Variants in NOXRED1 observed in about 807,000 individuals in gnomAD.
NOXRED1 encodes NADP-dependent oxidoreductase domain-containing protein 1.
In NOXRED1, 20 loss-of-function variants were observed where a neutral mutation model predicts 30.4. The observed-to-expected ratio is 0.66, with a 90% CI of 0.46 to 0.96. The LOEUF (loss-of-function observed/expected upper bound fraction) is 0.96, where lower values mean the gene tolerates loss of function less well. NOXRED1 is among the 40% of genes least tolerant of loss of function. NOXRED1 has a pLI of 0.00. For missense variants in NOXRED1, 374 were observed against 428.0 expected (o/e 0.87, Z 1.11); for synonymous variants, 155 against 168.0 (o/e 0.92, Z 0.60).
At chr14:77,411,283 A>G (rs1209910435) in intron 2 of NOXRED1, among the ~76,000 whole-genome samples, 2 of 152,082 alleles carry the variant, frequency 1.3e-5, no homozygotes, top group East Asian at 3.9e-4. Flanking sequence ...AGCCTGGCCA[A>G]CATGATGAAA....
At chr14:77,403,284 A>G (rs1484881585) in intron 5 of NOXRED1, among the ~76,000 whole-genome samples, 1 of 152,352 alleles carries the variant, frequency 6.6e-6, no homozygotes, top group East Asian at 1.9e-4. Flanking sequence ...AAAACAAAAT[A>G]GAATGAAACA....
chr14:77,420,826 G>T (rs1384601506), intron 1 of NOXRED1, among the ~76,000 whole-genome samples: 3 of 152,174 alleles, frequency 2.0e-5, no homozygotes, highest in Non-Finnish European at 4.4e-5. Flanking sequence ...AGATTCTGGG[G>T]CCTGTCAAAT....
At chr14:77,425,263 T>C (rs138763877), upstream of NOXRED1, among the ~76,000 whole-genome samples, 20 of 152,294 alleles carry the variant, frequency 1.3e-4, no homozygotes, top group East Asian at 3.9e-3. Flanking sequence ...CCAGCTGCCA[T>C]ACTTGAGTGG....
At chr14:77,410,703 AC>A (rs941389499) in intron 2 of NOXRED1, among the ~76,000 whole-genome samples, 1 of 152,158 alleles carries the variant, frequency 6.6e-6, no homozygotes, top group Non-Finnish European at 1.5e-5. Context: ...GGTCAGAAGC[AC>A]CTCAGAAAAA....
chr14:77,422,900 C>T lies in NOXRED1; in HGVS notation c.-11G>A. 1 of 1,608,968 alleles carries T rather than the reference C, an allele frequency of 6.2e-7. No homozygotes were observed. The highest frequency in any genetic ancestry group is 8.5e-7 in the Non-Finnish European group (1 of 1,177,914). On this transcript the variant is annotated 5_prime_UTR_variant, in exon 1 of 6. In the 5' UTR this introduces an upstream ATG that the reference lacks. Transcript: ENST00000380835. ...CTGGAGCATGTCCATTTCCAAGCCACTATTTCCTGCAGTGATAGACACTAA... is the reference window on the plus strand; with the variant it reads ...CTGGAGCATGTCCATTTCCAAGCCATTATTTCCTGCAGTGATAGACACTAA...
rs137986630 is a variant in NOXRED1, at chr14:77,412,633, C to T, written c.349+1301G>A. On this transcript the variant is annotated intron_variant, in intron 2 of 5. Transcript: ENST00000380835. ...GTTCAAGTGATTTGCCTGCCTCAGC[C>T]GCCTGAGTAGCTGGGACTACAGGAA... Among the ~76,000 whole-genome samples, 473 of 152,190 alleles carry T rather than the reference C, an allele frequency of 3.1e-3. 2 individuals are homozygous for T. Among genetic ancestry groups the T allele is most frequent in the African/African-American group, 0.011 (448 of 41,492 alleles).
At chr14:77,412,471 CCTT>C (rs1286301345) in intron 2 of NOXRED1, among the ~76,000 whole-genome samples, 1 of 152,090 alleles carries the variant, frequency 6.6e-6, no homozygotes, top group Non-Finnish European at 1.5e-5. Context: ...GCTGGGGTAA[CCTT>C]CTACTGTGGG....
chr14:77,414,300 C>T (rs1894753808), intron 1 of NOXRED1, among the ~76,000 whole-genome samples, 173 bp from the exon 2 acceptor site: 1 of 151,662 alleles, frequency 6.6e-6, no homozygotes, highest in Non-Finnish European at 1.5e-5. Flanking sequence ...TCCTGCCTGT[C>T]TCCCGAGTAG....
intron 5 of NOXRED1, among the ~76,000 whole-genome samples, chr14:77,397,680 A>G (rs1894224658): frequency 1.3e-5 from 2 of 152,110 alleles, no homozygotes; most frequent in Admixed American, 1.3e-4. Context: ...TGAGGTCAGG[A>G]GTTCAAGACC....
chr14:77,413,828 A>C, intron 2 of NOXRED1, 106 bp downstream of exon 2: 1 of 707,742 alleles, frequency 1.4e-6, no homozygotes. Context: ...TGAGAACTCC[A>C]CACGCTGTAT....
intron 2 of NOXRED1, among the ~76,000 whole-genome samples, chr14:77,408,198 A>G (rs1894535320): frequency 6.6e-6 from 1 of 151,894 alleles, no homozygotes; most frequent in African/African-American, 2.4e-5. Flanking sequence ...CTTTTAGATC[A>G]AGTGCTGGAA....
At chr14:77,416,607 T>C (rs1396964165) in intron 1 of NOXRED1, among the ~76,000 whole-genome samples, 1 of 152,302 alleles carries the variant, frequency 6.6e-6, no homozygotes, top group Non-Finnish European at 1.5e-5. Context: ...TACCTCTTTC[T>C]ACACAGACAC....
chr14:77,422,923 T>C lies in NOXRED1; in HGVS notation c.-34A>G, dbSNP rs949696220. The C allele has an allele frequency of 1.4e-5, 23 of 1,586,528 alleles. No individual in the cohort carries two copies. Among genetic ancestry groups the C allele is most frequent in the Non-Finnish European group, 1.8e-5 (21 of 1,164,954 alleles). On this transcript the variant is annotated 5_prime_UTR_variant, in exon 1 of 6. Coordinates refer to ENST00000380835, the MANE Select transcript of NOXRED1 (RefSeq NM_001113475.3). Reference sequence around the variant, plus strand: ...CACTATTTCCTGCAGTGATAGACACTAATCAATTTGGCTCCCTGTCCCGGT... The same window carrying C: ...CACTATTTCCTGCAGTGATAGACACCAATCAATTTGGCTCCCTGTCCCGGT...
In NOXRED1 at chr14:77,406,709, A is replaced by G. The variant is rs761992765; in HGVS notation, c.682+15T>C. On this transcript the variant is annotated intron_variant, in intron 4 of 5. Coordinates refer to ENST00000380835, the MANE Select transcript of NOXRED1 (RefSeq NM_001113475.3). ...TAATTTTCAAAAGAATGCCAGAAAT[A>G]TGTTGAGCCGTGACCAGCAGGACTG... 1.9e-6 allele frequency: 3 copies of G among 1,613,380 alleles called. No individual in the cohort carries two copies. Among genetic ancestry groups the G allele is most frequent in the African/African-American group, 2.7e-5 (2 of 74,876 alleles).
At chr14:77,402,984 G>A (rs913012765) in intron 5 of NOXRED1, among the ~76,000 whole-genome samples, 2 of 151,592 alleles carry the variant, frequency 1.3e-5, no homozygotes, top group Non-Finnish European at 1.5e-5. Flanking sequence ...GCAGTGAGCC[G>A]AGATCACACC....
At chr14:77,415,635 C>CAGAT (rs1894794545) in intron 1 of NOXRED1, among the ~76,000 whole-genome samples, 1 of 138,160 alleles carries the variant, frequency 7.2e-6, no homozygotes, top group Non-Finnish European at 1.6e-5. Context: ...GATAGATAGA[C>CAGAT]AGACAGACAG....
At chr14:77,405,646 T>C (rs990742039) in intron 5 of NOXRED1, among the ~76,000 whole-genome samples, 10 of 152,110 alleles carry the variant, frequency 6.6e-5, no homozygotes, top group South Asian at 2.1e-4. Flanking sequence ...ACTGTATATA[T>C]AGGAATAGAT....
At chr14:77,420,526 A>G (rs889552253) in intron 1 of NOXRED1, among the ~76,000 whole-genome samples, 1 of 151,776 alleles carries the variant, frequency 6.6e-6, no homozygotes, top group African/African-American at 2.4e-5. Context: ...GTAATTACAA[A>G]TTACAGGCCT....
Position 77,394,573 on chromosome 14 carries a change from G to T in NOXRED1, c.*58C>A, listed in dbSNP as rs558028960. 2 of 1,307,942 alleles carry T rather than the reference G, an allele frequency of 1.5e-6. No homozygotes were observed. Among genetic ancestry groups the T allele is most frequent in the Non-Finnish European group, 2.2e-6 (2 of 915,032 alleles). 81.0% of individuals were successfully genotyped at this position (1,307,942 alleles called of 1,614,324 possible). A position where few individuals can be genotyped will look rare whatever the true frequency, so the allele number is the denominator to read the frequency against. On this transcript the variant is annotated 3_prime_UTR_variant, in exon 6 of 6. Transcript: ENST00000380835. ...CCCACAGTCAATTGTGATAATCAGG[G>T]CACAACTATTATAGGGAAAATCTGT... is the stretch of plus-strand genomic sequence containing the variant.
Sources: gnomAD v4.1 joint callset for allele counts (sites outside exome capture counted in the v4.1 genomes callset) on GRCh38, gnomAD v4.1.1 for gene constraint, MANE v1.5 for transcripts, NCBI Gene and HGNC (gene_info 2026-07-23, HGNC 2026-07-21) for gene names.